Variants in GOLM2 observed in about 807,000 individuals in gnomAD.
The protein encoded by GOLM2 is protein GOLM2.
A neutral mutation model predicts 55.9 loss-of-function variants in GOLM2; 26 were observed. The observed-to-expected ratio is 0.47, with a 90% CI of 0.34 to 0.65. The LOEUF is 0.65. GOLM2 is among the 30% of genes least tolerant of loss of function. The probability of loss-of-function intolerance (pLI) is 0.01; values close to 1 mark genes in which losing one functional copy is unlikely to be tolerated. For synonymous variants in GOLM2, 165 were observed against 194.6 expected, an observed-to-expected ratio of 0.85 and a Z score of 1.27; for missense variants, 486 against 531.8, an observed-to-expected ratio of 0.91 and a Z score of 0.85.
At chr15:44,343,237 G>A (rs1399996294) in intron 6 of GOLM2, among the ~76,000 whole-genome samples, 4 of 151,598 alleles carry the variant, frequency 2.6e-5, no homozygotes, top group African/African-American at 9.7e-5. Context: ...GGAGGCTGAG[G>A]CAGGAGAATC....
At chr15:44,303,634 T>C (rs1318201817) in intron 1 of GOLM2, among the ~76,000 whole-genome samples, 1 of 151,992 alleles carries the variant, frequency 6.6e-6, no homozygotes, top group African/African-American at 2.4e-5. Context: ...GGCATGATCA[T>C]GGCTCACTGC....
intron 1 of GOLM2, among the ~76,000 whole-genome samples, chr15:44,311,666 G>A (rs983408341): frequency 6.6e-6 from 1 of 151,912 alleles, no homozygotes; most frequent in South Asian, 2.1e-4. Context: ...GTGTGTGTGT[G>A]TGTGATGGAG....
intron 6 of GOLM2, among the ~76,000 whole-genome samples, chr15:44,355,942 C>A (rs568216315): frequency 1.3e-5 from 2 of 152,122 alleles, no homozygotes; most frequent in East Asian, 1.9e-4. Flanking sequence ...TGGAAAATCC[C>A]AAAATATGTG....
intron 6 of GOLM2, among the ~76,000 whole-genome samples, chr15:44,376,657 A>G (rs1179597563): frequency 6.6e-6 from 1 of 152,238 alleles, no homozygotes; most frequent in Non-Finnish European, 1.5e-5. Flanking sequence ...TGTATACACA[A>G]GTATCTCCTA....
chr15:44,290,260 C>A (rs2078711121), intron 1 of GOLM2, among the ~76,000 whole-genome samples: 1 of 152,202 alleles, frequency 6.6e-6, no homozygotes, highest in Non-Finnish European at 1.5e-5. Flanking sequence ...TTAGCAACTT[C>A]TGTAGGTATA....
intron 6 of GOLM2, among the ~76,000 whole-genome samples, chr15:44,347,419 A>G (rs2079132959): frequency 6.6e-6 from 1 of 152,160 alleles, no homozygotes; most frequent in African/African-American, 2.4e-5. Flanking sequence ...CAGGAGTGAG[A>G]GTGCAGTAAT....
At chr15:44,379,628 T>TC (rs1180446428) in intron 6 of GOLM2, 62 bp from the exon 7 acceptor site, 2 of 681,806 alleles carry the variant, frequency 2.9e-6, no homozygotes, top group African/African-American at 1.9e-5. Flanking sequence ...GTTTTTTTTT[T>TC]TTTTTTTTTT....
At position 44,363,300 on chromosome 15, in the gene GOLM2, A is replaced by G. The variant is rs575906392; in HGVS notation, c.803-16390A>G. Among the ~76,000 whole-genome samples, 3 of 152,384 alleles carry G rather than the reference A, an allele frequency of 2.0e-5. No homozygotes were observed. The South Asian group carries it at 6.2e-4, about 32-fold the overall frequency. ...AATTTTTGCAACCTGCTCATCTGAC[A>G]AAGGGCTAATATCCAGAATCTACAA... is the stretch of plus-strand genomic sequence containing the variant. On this transcript the variant is annotated intron_variant, in intron 6 of 9. Transcript: ENST00000299957.
At position 44,288,914 on chromosome 15, in the gene GOLM2, C is replaced by A; in HGVS notation, c.-116C>A. On this transcript the variant is annotated 5_prime_UTR_variant, in exon 1 of 10. Coordinates refer to ENST00000299957, the MANE Select transcript of GOLM2 (RefSeq NM_138423.4). Reference sequence around the variant, plus strand: ...GGCTCGCAGCCGACCGGTAAGCCCGCCTCCTCCCTCGGCCGGCCCTGGGGC... The same window carrying A: ...GGCTCGCAGCCGACCGGTAAGCCCGACTCCTCCCTCGGCCGGCCCTGGGGC... The A allele has an allele frequency of 1.1e-6, 1 of 945,406 alleles. No individual in the cohort carries two copies. The highest frequency in any genetic ancestry group is 1.5e-6 in the Non-Finnish European group (1 of 647,020). 58.6% of individuals were successfully genotyped at this position (945,406 alleles called of 1,614,324 possible).
intron 6 of GOLM2, among the ~76,000 whole-genome samples, chr15:44,346,314 A>G (rs908645178): frequency 7.0e-6 from 1 of 143,198 alleles, no homozygotes; most frequent in Non-Finnish European, 1.5e-5. Context: ...GGGGAGCTTG[A>G]AAAAAAAAAA....
intron 6 of GOLM2, among the ~76,000 whole-genome samples, chr15:44,353,500 C>A (rs921438364): frequency 6.6e-6 from 1 of 152,076 alleles, no homozygotes; most frequent in South Asian, 2.1e-4. Context: ...TTGCACTATT[C>A]GCAGTAGCCA....
At chr15:44,343,531 A>C (rs7164866) in intron 6 of GOLM2, among the ~76,000 whole-genome samples, 4,949 of 152,054 alleles carry the variant, frequency 0.033, 282 homozygotes, top group African/African-American at 0.11. Context: ...AAGCAGAGAA[A>C]AGAACATATC....
intron 8 of GOLM2, among the ~76,000 whole-genome samples, chr15:44,397,508 CCACACACACACACA>C (rs10695192): frequency 0.023 from 2,909 of 129,160 alleles, 56 homozygotes; most frequent in Non-Finnish European, 0.034. Context: ...AAAAACAAAA[CCACACACACACACA>C]CACACACACA....
At chr15:44,304,664 C>G (rs2078824418) in intron 1 of GOLM2, among the ~76,000 whole-genome samples, 1 of 151,470 alleles carries the variant, frequency 6.6e-6, no homozygotes. Flanking sequence ...AGCAATTCTC[C>G]CACCTCAGCC....
At position 44,415,020 on chromosome 15, in the gene GOLM2, C is replaced by T. The variant is rs1312535609; in HGVS notation, c.*1614C>T. ...AGGGCTACTGTTAATTGCACATAAA[C>T]ATGAAATGTGTTTTCCCCTGTGTAC... On this transcript the variant is annotated 3_prime_UTR_variant, in exon 10 of 10. Transcript: ENST00000299957. 2 of 152,566 alleles carry T rather than the reference C, an allele frequency of 1.3e-5. No homozygotes were observed. Among genetic ancestry groups the T allele is most frequent in the East Asian group, 3.8e-4 (2 of 5,198 alleles). The allele number at this position is 152,566 out of a possible 1,614,324, so 9.5% of individuals were successfully genotyped here. A position where few individuals can be genotyped will look rare whatever the true frequency, so the allele number is the denominator to read the frequency against.
intron 1 of GOLM2, among the ~76,000 whole-genome samples, chr15:44,306,045 C>G (rs1038871832): frequency 6.6e-6 from 1 of 152,194 alleles, no homozygotes; most frequent in African/African-American, 2.4e-5. Flanking sequence ...GCGTTGGCTT[C>G]CACTTAAAGT....
intron 1 of GOLM2, among the ~76,000 whole-genome samples, chr15:44,294,705 C>T (rs1443226007): frequency 7.0e-6 from 1 of 143,368 alleles, no homozygotes; most frequent in African/African-American, 2.6e-5. Context: ...CAGCGAGACT[C>T]CATCTCAAAA....
At chr15:44,345,142 T>A (rs899303107) in intron 6 of GOLM2, among the ~76,000 whole-genome samples, 2 of 151,694 alleles carry the variant, frequency 1.3e-5, no homozygotes, top group Non-Finnish European at 2.9e-5. Flanking sequence ...GGAGTTTCGC[T>A]CTTGTAGCCA....
intron 6 of GOLM2, among the ~76,000 whole-genome samples, chr15:44,361,363 T>C (rs2079237283): frequency 6.6e-6 from 1 of 152,064 alleles, no homozygotes; most frequent in Non-Finnish European, 1.5e-5. Flanking sequence ...ATAAAGGGGA[T>C]ATCACCACCG....
Sources: allele counts gnomAD v4.1 joint callset (sites outside exome capture counted in the v4.1 genomes callset), GRCh38; gene constraint gnomAD v4.1.1; transcripts MANE v1.5; gene names NCBI Gene and HGNC (gene_info 2026-07-23, HGNC 2026-07-21).